The following PPME1 variants were observed in gnomAD, a reference collection of about 807,000 sequenced individuals.
PPME1 encodes the protein protein phosphatase methylesterase 1.
A neutral mutation model predicts 56.9 loss-of-function variants in PPME1; 17 were observed. The observed-to-expected ratio is 0.30, with a 90% CI of 0.20 to 0.45. The LOEUF (loss-of-function observed/expected upper bound fraction) is 0.45. Among genes scored for constraint, PPME1 ranks in the 20% least tolerant of loss-of-function variants. PPME1 has a pLI of 1.00. For missense variants in PPME1, 357 were observed against 483.2 expected (o/e 0.74, Z 2.45); for synonymous variants, 122 against 156.2 (o/e 0.78, Z 1.63).
At chr11:74,250,847 G>C in intron 11 of PPME1, 107 bp from the exon 12 acceptor site, 1 of 873,696 alleles carries the variant, frequency 1.1e-6, no homozygotes, top group African/African-American at 1.7e-5. Flanking sequence ...ATTGAGGTGA[G>C]GTTGGAAATG....
chr11:74,202,608 T>C (rs926362780), intron 1 of PPME1, among the ~76,000 whole-genome samples: 5 of 152,194 alleles, frequency 3.3e-5, no homozygotes, highest in Non-Finnish European at 5.9e-5. Flanking sequence ...GAATTCTGAA[T>C]TTCCTCCATT....
In PPME1 at chr11:74,175,281, T is replaced by A. The variant is rs542313509; in HGVS notation, c.101+3759T>A. Among the ~76,000 whole-genome samples, 8 of 152,266 alleles carry A rather than the reference T, an allele frequency of 5.3e-5. No individual in the cohort carries two copies. The East Asian group carries it at 1.5e-3, about 29-fold the overall frequency. ...ACTTTGGGAGGCCGAGGCGGGTGGA[T>A]CACCTGAGGTCGGGAGTTCAAGACC... On this transcript the variant is annotated intron_variant, in intron 1 of 13. Transcript: ENST00000328257.
At chr11:74,227,400 C>T (rs950681087) in intron 5 of PPME1, among the ~76,000 whole-genome samples, 7 of 151,718 alleles carry the variant, frequency 4.6e-5, no homozygotes, top group South Asian at 4.2e-4. Flanking sequence ...ATCAAAAGGG[C>T]GAACAAATTG....
At chr11:74,208,312 A>G (rs1383981484) in intron 3 of PPME1, among the ~76,000 whole-genome samples, 1 of 144,668 alleles carries the variant, frequency 6.9e-6, no homozygotes, top group African/African-American at 2.8e-5. Flanking sequence ...CTCTGTCTCA[A>G]GAAAAAAAAA....
At chr11:74,212,201 G>A (rs1858496175) in intron 3 of PPME1, among the ~76,000 whole-genome samples, 2 of 152,340 alleles carry the variant, frequency 1.3e-5, no homozygotes, top group African/African-American at 4.8e-5. Flanking sequence ...GTGGGAGGGA[G>A]AGCACAGTGA....
At chr11:74,226,601 A>G (rs1302801453) in intron 5 of PPME1, among the ~76,000 whole-genome samples, 1 of 152,194 alleles carries the variant, frequency 6.6e-6, no homozygotes, top group Non-Finnish European at 1.5e-5. Flanking sequence ...GGGTTTCTTA[A>G]CTTTTAACAA....
At chr11:74,213,088 G>A (rs963821247) in intron 3 of PPME1, among the ~76,000 whole-genome samples, 2 of 152,168 alleles carry the variant, frequency 1.3e-5, no homozygotes, top group Non-Finnish European at 2.9e-5. Context: ...GACCTACCCT[G>A]GGCCAGAGGG....
intron 1 of PPME1, among the ~76,000 whole-genome samples, chr11:74,197,465 TAAATA>T (rs990513688): frequency 6.6e-6 from 1 of 152,188 alleles, no homozygotes; most frequent in Non-Finnish European, 1.5e-5. Context: ...AGTTTTATGA[TAAATA>T]GAACTGACTA....
At chr11:74,232,727 G>C (rs1859099363) in intron 7 of PPME1, among the ~76,000 whole-genome samples, 1 of 150,792 alleles carries the variant, frequency 6.6e-6, no homozygotes, top group Non-Finnish European at 1.5e-5. Context: ...CCAGGCTGTG[G>C]AGTCCAGTGG....
chr11:74,226,217 CTTA>C (rs1432640540), intron 5 of PPME1, among the ~76,000 whole-genome samples: 2 of 152,058 alleles, frequency 1.3e-5, no homozygotes, highest in Non-Finnish European at 2.9e-5. Flanking sequence ...AAATCATTAA[CTTA>C]TTTTGTGTAA....
intron 1 of PPME1, among the ~76,000 whole-genome samples, chr11:74,200,977 CTTTTTTCTTTTTTTTT>C (rs1858147018): frequency 6.7e-6 from 1 of 150,184 alleles, no homozygotes; most frequent in Non-Finnish European, 1.5e-5. Flanking sequence ...CCTTTTTTTT[CTTTTTTCTTTTTTTTT>C]GAGATGGAGT....
chr11:74,246,259 A>T, intron 10 of PPME1, 54 bp downstream of exon 10: 1 of 1,444,142 alleles, frequency 6.9e-7, no homozygotes. Flanking sequence ...ACCAAATATC[A>T]TAGACTGAGT....
chr11:74,178,324 G>A (rs1857449295), intron 1 of PPME1, among the ~76,000 whole-genome samples: 1 of 152,094 alleles, frequency 6.6e-6, no homozygotes, highest in Non-Finnish European at 1.5e-5. Context: ...TTTCCCTTAA[G>A]TCTTATTGTC....
chr11:74,221,080 T>C (rs1191396758), intron 3 of PPME1, among the ~76,000 whole-genome samples: 2 of 152,182 alleles, frequency 1.3e-5, no homozygotes, highest in Non-Finnish European at 2.9e-5. Context: ...ATGAAAATTT[T>C]GTTTTTAATA....
chr11:74,204,477 T>C, intron 3 of PPME1, 32 bp downstream of exon 3: 1 of 1,537,294 alleles, frequency 6.5e-7, no homozygotes, highest in Non-Finnish European at 9.0e-7. Context: ...CAAGTTAATG[T>C]TAGCACTTTT....
chr11:74,189,565 A>G (rs1047098980), intron 1 of PPME1, among the ~76,000 whole-genome samples: 1 of 152,248 alleles, frequency 6.6e-6, no homozygotes, highest in Non-Finnish European at 1.5e-5. Flanking sequence ...CCGGGATTGC[A>G]GGCATGAGCC....
At chr11:74,243,004 G>A (rs953429158) in intron 9 of PPME1, among the ~76,000 whole-genome samples, 8 of 151,702 alleles carry the variant, frequency 5.3e-5, no homozygotes, top group Admixed American at 1.3e-4. Flanking sequence ...GACACAAAGC[G>A]TTATGTTTTT....
chr11:74,183,112 C>T (rs1176459035), intron 1 of PPME1, among the ~76,000 whole-genome samples: 1 of 151,542 alleles, frequency 6.6e-6, no homozygotes, highest in Non-Finnish European at 1.5e-5. Context: ...GCCTGGGCAA[C>T]ATAGTGAGAC....
chr11:74,208,825 A>C lies in PPME1; in HGVS notation c.288+4380A>C, dbSNP rs374779233. ...TGAAATGGTTTTTAAGACCAAATAG[A>C]AGTTGGATTAGTAGGGAAGGCATGC... is the stretch of plus-strand genomic sequence containing the variant. On this transcript the variant is annotated intron_variant, in intron 3 of 13. Transcript: ENST00000328257. Among the ~76,000 whole-genome samples, 72 of 152,334 alleles carry C rather than the reference A, an allele frequency of 4.7e-4. 2 individuals carry two copies. In the South Asian group the frequency reaches 0.013, roughly 28 times the overall value.
Sources: gnomAD v4.1 joint callset for allele counts (sites outside exome capture counted in the v4.1 genomes callset) on GRCh38, gnomAD v4.1.1 for gene constraint, MANE v1.5 for transcripts, NCBI Gene and HGNC (gene_info 2026-07-23, HGNC 2026-07-21) for gene names.